Variants in FRMD4A observed in about 807,000 individuals in gnomAD.
FRMD4A encodes FERM domain containing 4A, also known as FERM domain-containing protein 4A.
A neutral mutation model predicts 129.1 loss-of-function variants in FRMD4A; 29 were observed. The ratio of observed to expected loss-of-function variants is 0.22; its 90% CI spans 0.17 to 0.31. The LOEUF (loss-of-function observed/expected upper bound fraction) is 0.31, where lower values mean the gene tolerates loss of function less well. Among genes scored for constraint, FRMD4A ranks in the 10% least tolerant of loss-of-function variants. The pLI, the probability that FRMD4A is intolerant of heterozygous loss-of-function variation, is 1.00. For synonymous variants in FRMD4A, 634 were observed against 571.6 expected (o/e 1.11, Z -1.56); for missense variants, 1,272 against 1,375.8 (o/e 0.92, Z 1.19).
At chr10:13,870,392 A>C (rs966618496) in intron 2 of FRMD4A, among the ~76,000 whole-genome samples, 2 of 152,028 alleles carry the variant, frequency 1.3e-5, no homozygotes, top group African/African-American at 2.4e-5. Flanking sequence ...GCCACCTGGG[A>C]CTTTTAGAGT....
At chr10:14,025,940 C>T (rs1374380252) in intron 2 of FRMD4A, among the ~76,000 whole-genome samples, 1 of 152,150 alleles carries the variant, frequency 6.6e-6, no homozygotes, top group Non-Finnish European at 1.5e-5. Context: ...CTGAGAAAAT[C>T]TCTCAGGGAC....
intron 2 of FRMD4A, among the ~76,000 whole-genome samples, chr10:13,988,150 A>G (rs892669876): frequency 6.6e-6 from 1 of 152,232 alleles, no homozygotes; most frequent in African/African-American, 2.4e-5. Context: ...TCTAAAGGCT[A>G]CAATATGCCT....
intron 2 of FRMD4A, among the ~76,000 whole-genome samples, chr10:14,038,750 G>T (rs1833624126): frequency 6.6e-6 from 1 of 152,208 alleles, no homozygotes; most frequent in Admixed American, 6.5e-5. Context: ...AAGTAAGGCT[G>T]AAGGTTCCCC....
At chr10:14,134,248 AATGGATGGATGGATGG>A (rs60021621) in intron 2 of FRMD4A, among the ~76,000 whole-genome samples, 1 of 149,668 alleles carries the variant, frequency 6.7e-6, no homozygotes, top group African/African-American at 2.5e-5. Flanking sequence ...AATTGGAAAG[AATGGATGGATGGATGG>A]ATGGATGGAT....
chr10:14,129,409 A>ATATATAT (rs58579085), intron 2 of FRMD4A, among the ~76,000 whole-genome samples: 7,156 of 93,030 alleles, frequency 0.077, 856 homozygotes, highest in Non-Finnish European at 0.093. Context: ...TATATATATA[A>ATATATAT]AAAATATGAG....
At chr10:13,917,641 G>C (rs148707363) in intron 2 of FRMD4A, among the ~76,000 whole-genome samples, 19 of 152,116 alleles carry the variant, frequency 1.2e-4, no homozygotes, top group African/African-American at 4.3e-4. Flanking sequence ...TCTCTCTAGG[G>C]GGTAAACAAA....
chr10:13,878,450 T>C (rs2094511101), intron 2 of FRMD4A, among the ~76,000 whole-genome samples: 1 of 152,044 alleles, frequency 6.6e-6, no homozygotes, highest in African/African-American at 2.4e-5. Context: ...AGCAAAACCT[T>C]CAGAAAAGAC....
At chr10:14,076,277 G>T (rs1382755682) in intron 2 of FRMD4A, among the ~76,000 whole-genome samples, 2 of 152,166 alleles carry the variant, frequency 1.3e-5, no homozygotes, top group Non-Finnish European at 2.9e-5. Context: ...ATGAAAATGT[G>T]CTTGGGTTTA....
chr10:14,325,039 A>G (rs1291302649), intron 2 of FRMD4A, among the ~76,000 whole-genome samples: 1 of 152,204 alleles, frequency 6.6e-6, no homozygotes, highest in African/African-American at 2.4e-5. Flanking sequence ...ACTTCACCAT[A>G]TAATAGGAAG....
chr10:14,139,520 G>T (rs527874211), intron 2 of FRMD4A, among the ~76,000 whole-genome samples: 19 of 151,974 alleles, frequency 1.3e-4, no homozygotes, highest in African/African-American at 4.1e-4. Context: ...CTCAACCATG[G>T]CTCTCTACAA....
At chr10:13,981,265 G>A (rs547818771) in intron 2 of FRMD4A, among the ~76,000 whole-genome samples, 1 of 152,286 alleles carries the variant, frequency 6.6e-6, no homozygotes, top group African/African-American at 2.4e-5. Context: ...TCAGCACAGT[G>A]GCACAGGCAA....
intron 3 of FRMD4A, among the ~76,000 whole-genome samples, chr10:13,848,030 C>T (rs1589010963): frequency 6.6e-6 from 1 of 152,222 alleles, no homozygotes; most frequent in Non-Finnish European, 1.5e-5. Flanking sequence ...TGCCTTTCCC[C>T]TGTAAATACA....
chr10:13,684,681 C>T (rs1480465426), intron 15 of FRMD4A: 4 of 985,174 alleles, frequency 4.1e-6, no homozygotes, highest in Admixed American at 6.2e-5. Context: ...AGGAGCCACG[C>T]GTGGCTCATC....
intron 2 of FRMD4A, among the ~76,000 whole-genome samples, chr10:13,901,265 C>T (rs1241638486): frequency 1.3e-5 from 2 of 152,142 alleles, no homozygotes; most frequent in African/African-American, 2.4e-5. Flanking sequence ...ATTTATTGGC[C>T]CATTGCTTCA....
chr10:13,873,005 A>G (rs1038052612), intron 2 of FRMD4A, among the ~76,000 whole-genome samples: 1 of 151,920 alleles, frequency 6.6e-6, no homozygotes, highest in Non-Finnish European at 1.5e-5. Flanking sequence ...GTGAAACGTC[A>G]TCTCTACTAC....
intron 24 of FRMD4A, chr10:13,649,328 T>G (rs1343454800): frequency 1.6e-5 from 2 of 128,778 alleles, no homozygotes; most frequent in Non-Finnish European, 3.7e-5. Context: ...CTGTGGTGGT[T>G]TATTTGGTAT....
At chr10:13,701,312 G>A (rs760294187) in intron 14 of FRMD4A, 28 bp downstream of exon 14, 69 of 1,601,372 alleles carry the variant, frequency 4.3e-5, no homozygotes, top group Non-Finnish European at 5.1e-5. Context: ...ACAATGGCCC[G>A]GGCTTGGTGA....
At chr10:13,714,034 A>ATAAAATATATATTTTATATATG (rs1222762910) in intron 12 of FRMD4A, among the ~76,000 whole-genome samples, 1 of 11,114 alleles carries the variant, frequency 9.0e-5, no homozygotes, top group Non-Finnish European at 1.8e-4. Context: ...ATACATATAT[A>ATAAAATATATATTTTATATATG]TATATATATA....
intron 2 of FRMD4A, among the ~76,000 whole-genome samples, chr10:14,214,847 A>G (rs867963358): frequency 6.6e-6 from 1 of 152,258 alleles, no homozygotes; most frequent in African/African-American, 2.4e-5. Context: ...TTGTGCCTAC[A>G]TATAAACAAA....
Sources: allele counts gnomAD v4.1 joint callset (sites outside exome capture counted in the v4.1 genomes callset), GRCh38; gene constraint gnomAD v4.1.1; transcripts MANE v1.5; gene names NCBI Gene and HGNC (gene_info 2026-07-23, HGNC 2026-07-21).